USP30: variants seen among roughly 807,000 people sequenced by gnomAD.
USP30 encodes the protein ubiquitin carboxyl-terminal hydrolase 30.
In USP30, 41 loss-of-function variants were observed where a neutral mutation model predicts 68.2. The ratio of observed to expected loss-of-function variants is 0.60; its 90% CI spans 0.47 to 0.78. The LOEUF (loss-of-function observed/expected upper bound fraction) is 0.78, where lower values mean the gene tolerates loss of function less well. Among genes scored for constraint, USP30 ranks in the 30% least tolerant of loss-of-function variants. The probability of loss-of-function intolerance (pLI) is 0.00; values close to 1 mark genes in which losing one functional copy is unlikely to be tolerated. For missense variants in USP30, 522 were observed against 649.4 expected (o/e 0.80, Z 2.13); for synonymous variants, 229 against 253.7 (o/e 0.90, Z 0.93).
intron 3 of USP30, among the ~76,000 whole-genome samples, chr12:109,030,916 T>C (rs1409502161): frequency 2.0e-5 from 3 of 152,180 alleles, no homozygotes; most frequent in Admixed American, 6.5e-5. Flanking sequence ...GCCAGGCCGA[T>C]TGTGATTCTT....
At chr12:109,026,390 T>C (rs1284107421) in intron 2 of USP30, among the ~76,000 whole-genome samples, 1 of 151,916 alleles carries the variant, frequency 6.6e-6, no homozygotes, top group African/African-American at 2.4e-5. Flanking sequence ...ATAATTTTTA[T>C]TGTGGTAAAT....
intron 4 of USP30, among the ~76,000 whole-genome samples, 177 bp from the exon 5 acceptor site, chr12:109,071,435 G>A (rs1343137955): frequency 1.3e-5 from 2 of 152,256 alleles, no homozygotes; most frequent in Non-Finnish European, 2.9e-5. Flanking sequence ...CTTGCTTGAG[G>A]GTCTTCACTC....
chr12:109,072,731 T>TAA (rs2135782138), intron 6 of USP30, among the ~76,000 whole-genome samples: 1 of 152,326 alleles, frequency 6.6e-6, no homozygotes, highest in African/African-American at 2.4e-5. Context: ...TCTTAAGACT[T>TAA]AAAAAATAAG....
At chr12:109,051,503 GC>G (rs1280891510), upstream of USP30, among the ~76,000 whole-genome samples, 3 of 120,936 alleles carry the variant, frequency 2.5e-5, no homozygotes, top group Non-Finnish European at 3.5e-5. Flanking sequence ...AGCAATCCGT[GC>G]CCCCCACCCC....
Position 109,083,070 on chromosome 12 carries a change from C to T in USP30, c.1168+8C>T, listed in dbSNP as rs182083117. On this transcript the variant is annotated splice_region_variant and intron_variant, in intron 11 of 12. Coordinates refer to ENST00000257548, the MANE Select transcript of USP30 (RefSeq NM_032663.5). ...CGGGAGCCCCCACACCAGGTGTGTG[C>T]GCGCGAGGAGCCGATGCAGCAGGAA... The T allele has an allele frequency of 9.5e-6, 15 of 1,583,856 alleles. No individual in the cohort carries two copies. The highest frequency in any genetic ancestry group is 4.1e-5 in the African/African-American group (3 of 73,732).
chr12:109,023,516 C>A (rs1046897956), intron 1 of USP30, among the ~76,000 whole-genome samples: 4 of 152,030 alleles, frequency 2.6e-5, no homozygotes, highest in African/African-American at 9.6e-5. Flanking sequence ...GATCGCGCCA[C>A]TGCACTCCAG....
rs150731844 is a variant in USP30, at chr12:109,030,866, G to T, written c.-136+3310G>T. 2.7e-4 allele frequency among the ~76,000 whole-genome samples: 41 copies of T among 152,142 alleles called. No individual in the cohort carries two copies. The South Asian group carries it at 8.1e-3, about 30-fold the overall frequency. On this transcript the variant is annotated intron_variant, in intron 3 of 15. Coordinates refer to the USP30 transcript ENST00000392784. Reference sequence around the variant, plus strand: ...CCTGACCTCATGATCCACCTGCCTCGGCCTCCCTAAGTGCTGGGATTACAG... The same window carrying T: ...CCTGACCTCATGATCCACCTGCCTCTGCCTCCCTAAGTGCTGGGATTACAG...
intron 1 of USP30, among the ~76,000 whole-genome samples, chr12:109,023,515 A>G (rs2040421689): frequency 6.6e-6 from 1 of 151,890 alleles, no homozygotes; most frequent in African/African-American, 2.4e-5. Flanking sequence ...AGATCGCGCC[A>G]CTGCACTCCA....
Position 109,086,096 on chromosome 12 carries a change from A to G in USP30, c.*165A>G. On this transcript the variant is annotated 3_prime_UTR_variant, in exon 13 of 13. Coordinates refer to ENST00000257548, the MANE Select transcript of USP30 (RefSeq NM_032663.5). ...GGGAGCCAGCCCCAGTTCACACCAA[A>G]CCAGGCTCCCTGAACAGTCCTGTTC... The G allele has an allele frequency of 1.0e-6, 1 of 1,000,146 alleles. No homozygotes were observed. Among genetic ancestry groups the G allele is most frequent in the Non-Finnish European group, 1.4e-6 (1 of 702,492 alleles). The allele number at this position is 1,000,146 out of a possible 1,614,324, so 62.0% of individuals were successfully genotyped here. A position where few individuals can be genotyped will look rare whatever the true frequency, so the allele number is the denominator to read the frequency against.
upstream of USP30, among the ~76,000 whole-genome samples, chr12:109,048,704 C>T (rs2040629378): frequency 6.8e-6 from 1 of 146,264 alleles, no homozygotes; most frequent in Non-Finnish European, 1.5e-5. Context: ...CGCCCTACTG[C>T]ACTCCAGCCT....
chr12:109,055,488 C>T (rs1278386364), intron 1 of USP30, among the ~76,000 whole-genome samples: 5 of 140,886 alleles, frequency 3.5e-5, no homozygotes, highest in Admixed American at 7.7e-5. Context: ...CTGTAACCTC[C>T]GCCTCTTGGA....
intron 7 of USP30, among the ~76,000 whole-genome samples, chr12:109,077,095 T>C (rs1432473929): frequency 6.6e-6 from 1 of 152,190 alleles, no homozygotes; most frequent in Non-Finnish European, 1.5e-5. Context: ...ATCATGATGC[T>C]TTATTGTTTT....
chr12:109,062,025 C>T (rs2041084915), intron 3 of USP30, among the ~76,000 whole-genome samples: 1 of 151,966 alleles, frequency 6.6e-6, no homozygotes, highest in African/African-American at 2.4e-5. Context: ...ACCTCAGCCT[C>T]CTGTGCTCAA....
intron 4 of USP30, among the ~76,000 whole-genome samples, chr12:109,068,930 T>C (rs1453355750): frequency 6.6e-6 from 1 of 152,242 alleles, no homozygotes; most frequent in African/African-American, 2.4e-5. Context: ...TTTTCCCTGA[T>C]TGTCAACCCA....
chr12:109,033,983 A>G (rs1233940474), intron 3 of USP30, among the ~76,000 whole-genome samples: 1 of 152,296 alleles, frequency 6.6e-6, no homozygotes, highest in East Asian at 1.9e-4. Context: ...CTCCTAGTAA[A>G]ACCCTAATCC....
intron 3 of USP30, among the ~76,000 whole-genome samples, chr12:109,035,032 G>A (rs2040508862): frequency 6.6e-6 from 1 of 152,096 alleles, no homozygotes; most frequent in Non-Finnish European, 1.5e-5. Flanking sequence ...TGAGACTCCT[G>A]AAGATAGAAT....
chr12:109,036,479 A>G (rs1593222060), intron 3 of USP30, among the ~76,000 whole-genome samples: 1 of 151,626 alleles, frequency 6.6e-6, no homozygotes, highest in South Asian at 2.1e-4. Flanking sequence ...TGTATTTTGG[A>G]TAGAGATGGG....
At chr12:109,071,240 C>T (rs2135775205) in intron 4 of USP30, among the ~76,000 whole-genome samples, 1 of 152,322 alleles carries the variant, frequency 6.6e-6, no homozygotes, top group Non-Finnish European at 1.5e-5. Flanking sequence ...CTTAATGCCA[C>T]AGAATCATTC....
chr12:109,082,407 A>C, intron 9 of USP30: 2 of 552,286 alleles, frequency 3.6e-6, no homozygotes, highest in Non-Finnish European at 6.4e-6. Context: ...AAGACAGAGA[A>C]CAATTAATAG....
Sources: gnomAD v4.1 joint callset for allele counts (sites outside exome capture counted in the v4.1 genomes callset) on GRCh38, gnomAD v4.1.1 for gene constraint, MANE v1.5 for transcripts, NCBI Gene and HGNC (gene_info 2026-07-23, HGNC 2026-07-21) for gene names.